The following CLEC16A variants were observed in gnomAD, a reference collection of about 807,000 sequenced individuals.
CLEC16A encodes protein CLEC16A.
Under a neutral mutation model 109.5 loss-of-function variants are expected in CLEC16A, and 51 were observed. The observed-to-expected ratio is 0.47, with a 90% CI of 0.37 to 0.59. The LOEUF is 0.59. CLEC16A is among the 20% of genes least tolerant of loss of function. CLEC16A has a pLI of 0.00. For missense variants in CLEC16A, 1,339 were observed against 1,394.0 expected (o/e 0.96, Z 0.63); for synonymous variants, 673 against 564.2 (o/e 1.19, Z -2.73).
chr16:10,949,110 G>C (rs1447592880), intron 1 of CLEC16A, among the ~76,000 whole-genome samples: 3 of 152,224 alleles, frequency 2.0e-5, no homozygotes, highest in Non-Finnish European at 2.9e-5. Context: ...CCCCATGGGA[G>C]AATCAGGGGT....
intron 23 of CLEC16A, among the ~76,000 whole-genome samples, chr16:11,167,621 G>A (rs2068325910): frequency 6.6e-6 from 1 of 152,102 alleles, no homozygotes; most frequent in Non-Finnish European, 1.5e-5. Context: ...GTGGCTCAGA[G>A]CACCCCAACC....
intron 17 of CLEC16A, chr16:11,048,001 G>C (rs1294297464): frequency 4.6e-5 from 7 of 152,250 alleles, no homozygotes; most frequent in Non-Finnish European, 1.0e-4. Flanking sequence ...CCGGCACATG[G>C]TTCTGCCCTT....
intron 19 of CLEC16A, among the ~76,000 whole-genome samples, chr16:11,068,977 G>C (rs1187552478): frequency 1.3e-5 from 2 of 149,860 alleles, no homozygotes; most frequent in African/African-American, 4.9e-5. Flanking sequence ...ATCACGCCTG[G>C]CTAATTTTCT....
intron 2 of CLEC16A, 102 bp from the exon 3 acceptor site, chr16:10,962,351 GGA>G: frequency 7.1e-7 from 1 of 1,399,782 alleles, no homozygotes; most frequent in Non-Finnish European, 1.0e-6. Flanking sequence ...ATACCTTGGG[GGA>G]GAGGGGTGAA....
At chr16:11,166,665 A>C (rs10852331) in intron 23 of CLEC16A, 113 bp downstream of exon 23, 1,098,019 of 1,098,480 alleles carry the variant, frequency 1, 548,783 homozygotes, top group East Asian at 1. Flanking sequence ...TTGAAGGATG[A>C]TGCCGCTCAG....
chr16:10,985,136 G>T (rs923409013), intron 10 of CLEC16A, among the ~76,000 whole-genome samples: 3 of 149,692 alleles, frequency 2.0e-5, no homozygotes, highest in Non-Finnish European at 4.4e-5. Flanking sequence ...CCAGGAGGCG[G>T]AGCTTGCAGT....
chr16:10,984,943 T>C (rs2043536844), intron 10 of CLEC16A, among the ~76,000 whole-genome samples: 1 of 152,116 alleles, frequency 6.6e-6, no homozygotes, highest in South Asian at 2.1e-4. Flanking sequence ...GGCTCACCCC[T>C]GTAATCCCAG....
Position 11,075,410 on chromosome 16 carries a change from G to GTGTA in CLEC16A, c.2116+14389_2116+14390insGTAT, listed in dbSNP as rs71136612. 1.5e-4 allele frequency among the ~76,000 whole-genome samples: 15 copies of GTGTA among 99,526 alleles called. 1 individual carries two copies. Among genetic ancestry groups the GTGTA allele is most frequent in the Non-Finnish European group, 2.7e-4 (12 of 45,278 alleles). 65.3% of individuals were successfully genotyped at this position (99,526 alleles called of 152,430 possible). A position where few individuals can be genotyped will look rare whatever the true frequency, so the allele number is the denominator to read the frequency against. On this transcript the variant is annotated intron_variant, in intron 19 of 23. Transcript: ENST00000409790. ...TGTGTGTGTGTGTGTGTGTGTGTGT[G>GTGTA]TCTGTGTGTGTGTGTGTATGTGTGT...
chr16:11,005,643 T>C (rs569431195), intron 11 of CLEC16A, among the ~76,000 whole-genome samples: 1 of 152,374 alleles, frequency 6.6e-6, no homozygotes, highest in South Asian at 2.1e-4. Flanking sequence ...TTCTGAATTA[T>C]ATATTTGCTC....
chr16:11,113,215 G>A (rs144543023), intron 19 of CLEC16A, among the ~76,000 whole-genome samples: 56 of 152,308 alleles, frequency 3.7e-4, no homozygotes, highest in African/African-American at 1.3e-3. Context: ...GGCAGAGCCC[G>A]GCTGGCCAGC....
chr16:11,177,049 G>A (rs748453554), intron 23 of CLEC16A, among the ~76,000 whole-genome samples: 17 of 152,062 alleles, frequency 1.1e-4, no homozygotes, highest in Non-Finnish European at 2.2e-4. Context: ...CATGCTTCCC[G>A]GGTCCCAGGC....
intron 22 of CLEC16A, among the ~76,000 whole-genome samples, chr16:11,133,280 A>G (rs1025649323): frequency 4.6e-5 from 7 of 151,718 alleles, no homozygotes; most frequent in African/African-American, 1.7e-4. Context: ...TGGAGGTTGC[A>G]GTGAGCTGAG....
At chr16:10,986,914 C>T (rs1175615869) in intron 10 of CLEC16A, among the ~76,000 whole-genome samples, 2 of 151,748 alleles carry the variant, frequency 1.3e-5, no homozygotes, top group African/African-American at 2.4e-5. Flanking sequence ...AGTACAGTAG[C>T]GTGATCTCGG....
intron 22 of CLEC16A, among the ~76,000 whole-genome samples, chr16:11,127,554 GTGATTGGTTTCTTTC>G (rs1173144059): frequency 6.6e-6 from 1 of 152,194 alleles, no homozygotes; most frequent in East Asian, 1.9e-4. Flanking sequence ...CCCACAGCTT[GTGATTGGTTTCTTTC>G]TTAAATCCAG....
intron 1 of CLEC16A, among the ~76,000 whole-genome samples, chr16:10,950,606 C>G (rs576662527): frequency 6.6e-6 from 1 of 152,344 alleles, no homozygotes; most frequent in South Asian, 2.1e-4. Flanking sequence ...AATCCTCTAG[C>G]CTGATTCCAC....
chr16:11,080,283 C>G (rs950155390), intron 19 of CLEC16A, among the ~76,000 whole-genome samples: 3 of 152,220 alleles, frequency 2.0e-5, no homozygotes, highest in Non-Finnish European at 4.4e-5. Flanking sequence ...TGCAGGTGCT[C>G]TGCTGGAAAC....
intron 10 of CLEC16A, among the ~76,000 whole-genome samples, chr16:10,999,912 C>A (rs1354905373): frequency 6.6e-6 from 1 of 152,200 alleles, no homozygotes; most frequent in African/African-American, 2.4e-5. Context: ...TCTTGGTTTA[C>A]TTCAACCTCC....
At chr16:11,045,518 A>G (rs2047588469) in intron 16 of CLEC16A, among the ~76,000 whole-genome samples, 2 of 151,830 alleles carry the variant, frequency 1.3e-5, no homozygotes. Context: ...CACCTTGGGA[A>G]TTAGGATTTC....
intron 22 of CLEC16A, among the ~76,000 whole-genome samples, chr16:11,131,803 G>A (rs1277549246): frequency 1.3e-5 from 2 of 152,108 alleles, no homozygotes; most frequent in Non-Finnish European, 2.9e-5. Flanking sequence ...GCCCTCTTCT[G>A]GGATCAGCTC....
Sources: allele counts gnomAD v4.1 joint callset (sites outside exome capture counted in the v4.1 genomes callset), GRCh38; gene constraint gnomAD v4.1.1; transcripts MANE v1.5; gene names NCBI Gene and HGNC (gene_info 2026-07-23, HGNC 2026-07-21).